Variants in PTPN3 observed in about 807,000 individuals in gnomAD.
PTPN3 encodes tyrosine-protein phosphatase non-receptor type 3.
Under a neutral mutation model 132.7 loss-of-function variants are expected in PTPN3, and 96 were observed. The observed-to-expected ratio is 0.72, with a 90% CI of 0.61 to 0.86. The LOEUF (loss-of-function observed/expected upper bound fraction) is 0.86, where lower values mean the gene tolerates loss of function less well. Among genes scored for constraint, PTPN3 ranks in the 40% least tolerant of loss-of-function variants. The probability of loss-of-function intolerance (pLI) is 0.00; values close to 1 mark genes in which losing one functional copy is unlikely to be tolerated. For missense variants in PTPN3, 1,125 were observed against 1,159.6 expected, an observed-to-expected ratio of 0.97 and a Z score of 0.43; for synonymous variants, 398 against 429.0, an observed-to-expected ratio of 0.93 and a Z score of 0.89.
At chr9:109,472,291 G>A (rs1416755053) in intron 1 of PTPN3, among the ~76,000 whole-genome samples, 2 of 152,112 alleles carry the variant, frequency 1.3e-5, no homozygotes, top group Admixed American at 6.5e-5. Context: ...ATTATAAAAG[G>A]CCACACAATG....
chr9:109,445,776 T>C (rs1307764821), intron 6 of PTPN3, among the ~76,000 whole-genome samples: 2 of 152,182 alleles, frequency 1.3e-5, no homozygotes, highest in Non-Finnish European at 2.9e-5. Flanking sequence ...GAGGGACAAG[T>C]AGAAAGGTAT....
intron 21 of PTPN3, among the ~76,000 whole-genome samples, 194 bp from the exon 22 acceptor site, chr9:109,389,573 T>C (rs527241892): frequency 2.0e-5 from 3 of 152,374 alleles, no homozygotes; most frequent in African/African-American, 7.2e-5. Flanking sequence ...CCACCAGTAT[T>C]AGATCTTTAA....
At chr9:109,381,090 G>A (rs950108536) in intron 25 of PTPN3, among the ~76,000 whole-genome samples, 2 of 152,180 alleles carry the variant, frequency 1.3e-5, no homozygotes, top group Non-Finnish European at 1.5e-5. Flanking sequence ...AGAGGTTCAG[G>A]ACTTATGCAA....
At chr9:109,413,229 C>T (rs757382662) in intron 14 of PTPN3, among the ~76,000 whole-genome samples, 6 of 152,038 alleles carry the variant, frequency 3.9e-5, no homozygotes, top group Admixed American at 2.0e-4. Context: ...GCTGGGATTA[C>T]AGGCATGAGC....
intron 5 of PTPN3, chr9:109,451,403 G>A (rs1047495434): frequency 1.0e-6 from 1 of 958,582 alleles, no homozygotes; most frequent in African/African-American, 1.8e-5. Flanking sequence ...GAAGGTGGGG[G>A]TGGGGTGTCA....
At chr9:109,440,977 T>C (rs139720162) in intron 7 of PTPN3, among the ~76,000 whole-genome samples, 1 of 152,312 alleles carries the variant, frequency 6.6e-6, no homozygotes, top group African/African-American at 2.4e-5. Flanking sequence ...AATGATGTCA[T>C]CCCACTTGTT....
chr9:109,469,619 CAAAT>C (rs1193288732), intron 1 of PTPN3, among the ~76,000 whole-genome samples: 1 of 152,036 alleles, frequency 6.6e-6, no homozygotes, highest in African/African-American at 2.4e-5. Flanking sequence ...ACTCTTATCT[CAAAT>C]AAATAAATGG....
At chr9:109,481,968 C>T (rs927976184) in intron 1 of PTPN3, among the ~76,000 whole-genome samples, 1 of 152,178 alleles carries the variant, frequency 6.6e-6, no homozygotes, top group African/African-American at 2.4e-5. Context: ...CCCCGCCTTT[C>T]GGTCAGGTCC....
chr9:109,465,249 T>C (rs10979882), intron 1 of PTPN3, among the ~76,000 whole-genome samples: 49,039 of 152,014 alleles, frequency 0.32, 8,560 homozygotes, highest in African/African-American at 0.42. Context: ...CATGACTATA[T>C]CACGTAGGTG....
chr9:109,421,842 T>C (rs980587015), intron 13 of PTPN3, among the ~76,000 whole-genome samples: 4 of 152,230 alleles, frequency 2.6e-5, no homozygotes, highest in African/African-American at 9.6e-5. Context: ...CAGTTTCTCT[T>C]AGGCTTAGCA....
chr9:109,490,219 C>G (rs1847396608), intron 1 of PTPN3, among the ~76,000 whole-genome samples: 1 of 152,004 alleles, frequency 6.6e-6, no homozygotes, highest in South Asian at 2.1e-4. Context: ...AAAAAAACCC[C>G]ACATCACTCA....
chr9:109,379,716 G>C, intron 25 of PTPN3, 83 bp from the exon 26 acceptor site: 1 of 1,203,084 alleles, frequency 8.3e-7, no homozygotes. Flanking sequence ...GTCTTTTGCA[G>C]CATTTGTAAA....
chr9:109,433,113 C>G lies in PTPN3; in HGVS notation c.724G>C (p.Ala242Pro). ...GTGCAAATGTATTTTCGGTACACAG[C>G]AACACCCGCGGAAGCAATTCCAATC... ...LMIGIASAGV[A>P]VYRKYICTSF... The change falls in exon 10 of 26, where the codon GCT becomes CCT. Residue 242 changes from alanine (A) to proline (P), a missense_variant. Ala to Pro is a conservative substitution (Grantham distance 27, BLOSUM62 -1). Coordinates refer to ENST00000374541, the MANE Select transcript of PTPN3 (RefSeq NM_002829.4). 6.2e-7 allele frequency: 1 copy of G among 1,614,112 alleles called. No individual in the cohort carries two copies. The highest frequency in any genetic ancestry group is 1.1e-5 in the South Asian group (1 of 91,072).
At position 109,422,703 on chromosome 9, in the gene PTPN3, A is replaced by AC; in HGVS notation, c.1136+14_1136+15insG. The AC allele has an allele frequency of 6.3e-7, 1 of 1,579,222 alleles. No homozygotes were observed. Among genetic ancestry groups the AC allele is most frequent in the Non-Finnish European group, 8.6e-7 (1 of 1,166,492 alleles). On this transcript the variant is annotated intron_variant, in intron 13 of 25. Transcript: ENST00000374541. ...ACTGTTGGGTAGTACAAAAAAAAAA[A>AC]AAAGGAGGACATACCAGTTGGGAGT...
chr9:109,428,631 C>T lies in PTPN3; in HGVS notation c.818G>A (p.Arg273Gln), dbSNP rs141258824. The T allele has an allele frequency of 1.5e-5, 25 of 1,613,470 alleles. No individual in the cohort carries two copies. The highest frequency in any genetic ancestry group is 4.4e-5 in the South Asian group (4 of 91,018). Residue 273 changes from arginine (R) to glutamine (Q), a missense_variant, in exon 11 of 26, where the codon CGA becomes CAA. Physicochemically the swap from Arg to Gln is conservative, Grantham distance 43. Coordinates refer to ENST00000374541, the MANE Select transcript of PTPN3 (RefSeq NM_002829.4). The stretch of plus-strand genomic sequence containing the variant: ...GACATAACTACTCACCTGTTTCTGT[C>T]GCTGATGTATGAAGAACTTTTTCCT... Reference protein sequence around the residue: ...FKRKKFFIHQRQKQAESREHI... With the variant: ...FKRKKFFIHQQQKQAESREHI...
chr9:109,446,539 C>T (rs1325462903), intron 6 of PTPN3, among the ~76,000 whole-genome samples: 1 of 152,010 alleles, frequency 6.6e-6, no homozygotes, highest in African/African-American at 2.4e-5. Context: ...CTAGAGAGCT[C>T]GTGGGGAGGA....
At position 109,461,600 on chromosome 9, in the gene PTPN3, T is replaced by A. The variant is rs538059903; in HGVS notation, c.138+1697A>T. On this transcript the variant is annotated intron_variant, in intron 2 of 25. Coordinates refer to ENST00000374541, the MANE Select transcript of PTPN3 (RefSeq NM_002829.4). ...GTGAGACCTCGTTTCTACAAAAAAATAAAAAAATTAGATGGGTGTAGTGGT... is the reference window on the plus strand; with the variant it reads ...GTGAGACCTCGTTTCTACAAAAAAAAAAAAAAATTAGATGGGTGTAGTGGT... 2.0e-5 allele frequency among the ~76,000 whole-genome samples: 3 copies of A among 151,904 alleles called. No homozygotes were observed. In the East Asian group the frequency reaches 5.8e-4, roughly 29 times the overall value.
At chr9:109,395,144 TAA>T (rs36091037) in intron 19 of PTPN3, among the ~76,000 whole-genome samples, 8 of 134,712 alleles carry the variant, frequency 5.9e-5, no homozygotes, top group Non-Finnish European at 9.5e-5. Context: ...CATCTCAATT[TAA>T]AAAAAAAAAA....
intron 21 of PTPN3, among the ~76,000 whole-genome samples, chr9:109,390,314 A>G (rs749008759): frequency 1.3e-4 from 20 of 152,160 alleles, no homozygotes; most frequent in Non-Finnish European, 2.1e-4. Context: ...TCATCTGTCT[A>G]TTTAGGAGTT....
Sources: gnomAD v4.1 joint callset for allele counts (sites outside exome capture counted in the v4.1 genomes callset) on GRCh38, gnomAD v4.1.1 for gene constraint, MANE v1.5 for transcripts, NCBI Gene and HGNC (gene_info 2026-07-23, HGNC 2026-07-21) for gene names.